SCN7A: variants seen among roughly 807,000 people sequenced by gnomAD.
SCN7A encodes sodium channel protein type 7 subunit alpha.
Under a neutral mutation model 155.2 loss-of-function variants are expected in SCN7A, and 138 were observed. The ratio of observed to expected loss-of-function variants is 0.89; its 90% confidence interval spans 0.77 to 1.02. The LOEUF is 1.02. Ranked by LOEUF, SCN7A falls within the 50% of genes least tolerant of loss-of-function variation. SCN7A has a pLI of 0.00. For missense variants in SCN7A, 2,058 were observed against 1,986.6 expected (o/e 1.04, Z -0.68); for synonymous variants, 693 against 649.0 (o/e 1.07, Z -1.03).
Position 166,413,006 on chromosome 2 carries a change from C to A in SCN7A, c.3468+62G>T. On this transcript the variant is annotated intron_variant, in intron 22 of 25. Transcript: ENST00000643258. ...TTCATTATTACTGGTGTCCTGTGCT[C>A]GAATTGCAAAAATGACTTTGCTTGT... 3.3e-6 allele frequency: 4 copies of A among 1,197,684 alleles called. No individual in the cohort carries two copies. The South Asian group carries it at 5.7e-5, about 17-fold the overall frequency. 74.2% of individuals were successfully genotyped at this position (1,197,684 alleles called of 1,614,324 possible). A position where few individuals can be genotyped will look rare whatever the true frequency, so the allele number is the denominator to read the frequency against.
rs1419456930 is a variant in SCN7A at position 166,416,987 on chromosome 2, T to A, written c.3136-2A>T. 1.3e-6 allele frequency: 2 copies of A among 1,561,474 alleles called. No individual in the cohort carries two copies. The highest frequency in any genetic ancestry group is 1.7e-6 in the Non-Finnish European group (2 of 1,155,022). On this transcript the variant is annotated splice_acceptor_variant, in intron 20 of 25. Coordinates refer to ENST00000643258, the MANE Select transcript of SCN7A (RefSeq NM_002976.4). LOFTEE classifies it high-confidence loss of function. Reference sequence around the variant, plus strand: ...TTTGATCAAAGCTCTCACAACCACCTGGTATATATAAAAAATGTAAACTTT... The same window carrying A: ...TTTGATCAAAGCTCTCACAACCACCAGGTATATATAAAAAATGTAAACTTT...
intron 21 of SCN7A, among the ~76,000 whole-genome samples, chr2:166,413,953 A>G (rs1701257309): frequency 9.1e-6 from 1 of 110,376 alleles, no homozygotes; most frequent in Non-Finnish European, 1.8e-5. Flanking sequence ...TACTTAATAA[A>G]CTCCCCTTTA....
At chr2:166,481,431 T>A (rs757082770) in intron 2 of SCN7A, among the ~76,000 whole-genome samples, 1 of 152,172 alleles carries the variant, frequency 6.6e-6, no homozygotes, top group Non-Finnish European at 1.5e-5. Context: ...AAAAATATAA[T>A]AGAAATACTT....
At chr2:166,438,373 TCTTTA>T (rs1050169320) in intron 15 of SCN7A, among the ~76,000 whole-genome samples, 3 of 152,182 alleles carry the variant, frequency 2.0e-5, no homozygotes, top group African/African-American at 7.2e-5. Flanking sequence ...CAATTAAACC[TCTTTA>T]CTTTATAAAT....
rs978246607 is a variant in SCN7A at position 166,429,046 on chromosome 2, A to G, written c.2698+123T>C. 8 of 574,882 alleles carry G rather than the reference A, an allele frequency of 1.4e-5. No individual in the cohort carries two copies. In the African/African-American group the frequency reaches 1.6e-4, roughly 11 times the overall value. 35.6% of individuals were successfully genotyped at this position (574,882 alleles called of 1,614,324 possible). A position where few individuals can be genotyped will look rare whatever the true frequency, so the allele number is the denominator to read the frequency against. On this transcript the variant is annotated intron_variant, in intron 17 of 25. Coordinates refer to ENST00000643258, the MANE Select transcript of SCN7A (RefSeq NM_002976.4). ...TAATGGTGACACTTGTACATTTAAC[A>G]TGAATATTAAGAAATGTATAAAGAT...
At chr2:166,426,745 TG>T (rs1288709202) in intron 18 of SCN7A, among the ~76,000 whole-genome samples, 1 of 152,088 alleles carries the variant, frequency 6.6e-6, no homozygotes, top group Non-Finnish European at 1.5e-5. Context: ...AGTGTTGTTC[TG>T]GCATCCTGGT....
chr2:166,446,280 C>T (rs2105443473), intron 12 of SCN7A, among the ~76,000 whole-genome samples: 1 of 152,268 alleles, frequency 6.6e-6, no homozygotes, highest in South Asian at 2.1e-4. Flanking sequence ...AGCTCATCAT[C>T]ACTAGTCATT....
chr2:166,441,125 T>C lies in SCN7A; in HGVS notation c.2157+271A>G, dbSNP rs572704313. On this transcript the variant is annotated intron_variant, in intron 15 of 25. Transcript: ENST00000643258. Reference sequence around the variant, plus strand: ...ATAAGGAGGACCTACTATATTATCATTAAAAAATGCATTCAATATAAAAAT... The same window carrying C: ...ATAAGGAGGACCTACTATATTATCACTAAAAAATGCATTCAATATAAAAAT... 5.2e-4 allele frequency: 228 copies of C among 436,090 alleles called. 2 individuals carry two copies. In the Middle Eastern group the frequency reaches 5.8e-3, roughly 11 times the overall value. 27.0% of individuals were successfully genotyped at this position (436,090 alleles called of 1,614,324 possible).
intron 21 of SCN7A, among the ~76,000 whole-genome samples, chr2:166,415,731 T>C (rs1297446061): frequency 1.3e-5 from 2 of 152,192 alleles, no homozygotes; most frequent in African/African-American, 4.8e-5. Flanking sequence ...AAGCTGAGGA[T>C]GTACGTCACC....
chr2:166,410,108 AG>A, intron 24 of SCN7A, 111 bp downstream of exon 24: 9 of 1,125,180 alleles, frequency 8.0e-6, no homozygotes, highest in Non-Finnish European at 1.1e-5. Flanking sequence ...GACCATGAAA[AG>A]CTTTGTCAAG....
intron 11 of SCN7A, among the ~76,000 whole-genome samples, chr2:166,453,342 A>G (rs897461620): frequency 6.6e-6 from 1 of 152,196 alleles, no homozygotes; most frequent in Non-Finnish European, 1.5e-5. Flanking sequence ...CACTTCTAAA[A>G]TGTGAGTTTA....
chr2:166,412,522 A>G lies in SCN7A; in HGVS notation c.3606+8T>C. On this transcript the variant is annotated splice_region_variant and intron_variant, in intron 23 of 25. Transcript: ENST00000643258. ...GACATTGGATAAACAAATAATATTT[A>G]TACTTATCTTTATTTTATGCTTGTT... 6.9e-7 allele frequency: 1 copy of G among 1,457,356 alleles called. No individual in the cohort carries two copies. The highest frequency in any genetic ancestry group is 9.0e-7 in the Non-Finnish European group (1 of 1,108,112). 90.3% of individuals were successfully genotyped at this position (1,457,356 alleles called of 1,614,324 possible).
chr2:166,430,187 G>A (rs1701704723), intron 16 of SCN7A, among the ~76,000 whole-genome samples: 1 of 151,896 alleles, frequency 6.6e-6, no homozygotes, highest in Non-Finnish European at 1.5e-5. Context: ...AAAAACCAGA[G>A]AAATTGTCAA....
chr2:166,405,764 C>G lies in SCN7A; in HGVS notation c.4865G>C (p.Arg1622Pro). 6.2e-7 allele frequency: 1 copy of G among 1,612,858 alleles called. No individual in the cohort carries two copies. Among genetic ancestry groups the G allele is most frequent in the Non-Finnish European group, 8.5e-7 (1 of 1,179,284 alleles). Residue 1622 changes from arginine to proline, a missense_variant, in exon 26 of 26, where the codon CGA (arginine) becomes CCA (proline). Arg to Pro is a moderately radical substitution (Grantham distance 103). Coordinates refer to ENST00000643258, the MANE Select transcript of SCN7A (RefSeq NM_002976.4). ...GGTTGCTGAAACTGCCTCTTGTTTT[C>G]GTTTCAAAGTAGTCGTAATTGGCTC... is the stretch of plus-strand genomic sequence containing the variant. Reference protein sequence around the residue: ...TCEPITTTLKRKQEAVSATII... With the variant: ...TCEPITTTLKPKQEAVSATII...
intron 12 of SCN7A, among the ~76,000 whole-genome samples, chr2:166,446,771 C>T (rs576276564): frequency 6.6e-6 from 1 of 152,206 alleles, no homozygotes; most frequent in South Asian, 2.1e-4. Flanking sequence ...AACATAGGAA[C>T]AGGAACCAAA....
At position 166,404,190 on chromosome 2, in the gene SCN7A, C is replaced by A. The variant is rs1279930491; in HGVS notation, c.*1390G>T. On this transcript the variant is annotated 3_prime_UTR_variant, in exon 26 of 26. Coordinates refer to ENST00000643258, the MANE Select transcript of SCN7A (RefSeq NM_002976.4). The stretch of plus-strand genomic sequence containing the variant: ...TCTGAATCTTTTAGGACTTAGCAGG[C>A]ACATTGAAATCAATCTTCATAAAGT... 6.6e-6 allele frequency: 1 copy of A among 151,806 alleles called. No homozygotes were observed. Among genetic ancestry groups the A allele is most frequent in the Non-Finnish European group, 1.5e-5 (1 of 67,896 alleles). The allele number at this position is 151,806 out of a possible 1,614,324, so 9.4% of individuals were successfully genotyped here. A position where few individuals can be genotyped will look rare whatever the true frequency, so the allele number is the denominator to read the frequency against.
At position 166,405,735 on chromosome 2, in the gene SCN7A, T is replaced by C. The variant is rs1701054602; in HGVS notation, c.4894A>G (p.Ile1632Val). The change falls in exon 26 of 26, where the codon ATT becomes GTT. Residue 1632 changes from isoleucine (I) to valine (V), a missense_variant. By Grantham distance (29) the Ile-to-Val change is conservative (BLOSUM62 3). Transcript: ENST00000643258. Reference sequence around the variant, plus strand: ...CGGTAATTTTTATAAGCACGTTGAATGATGGTTGCTGAAACTGCCTCTTGT... The same window carrying C: ...CGGTAATTTTTATAAGCACGTTGAACGATGGTTGCTGAAACTGCCTCTTGT... ...RKQEAVSATI[I>V]QRAYKNYRLR... 1 of 1,612,950 alleles carries C rather than the reference T, an allele frequency of 6.2e-7. No homozygotes were observed. The highest frequency in any genetic ancestry group is 8.5e-7 in the Non-Finnish European group (1 of 1,179,340).
At position 166,441,549 on chromosome 2, in the gene SCN7A, G is replaced by C. The variant is rs1489989062; in HGVS notation, c.2004C>G (p.Arg668=). The change falls in exon 15 of 26, where the codon CGC becomes CGG. Residue 668 remains arginine (R), a synonymous_variant. Transcript: ENST00000643258. ...CHIDKDCQLP[R]WHMHDFFHSF... is the part of the protein sequence containing the mutation. ...AGTGGAAAAAGTCATGCATGTGCCA[G>C]CGTGGGAGTTGACAGTCTTTGTCTA... is the stretch of plus-strand genomic sequence containing the variant. 1 of 1,614,084 alleles carries C rather than the reference G, an allele frequency of 6.2e-7. No homozygotes were observed.
chr2:166,413,164 ATAAAAAG>A lies in SCN7A; in HGVS notation c.3415-50_3415-44del, dbSNP rs1438264022. ...ATTTAAAATTTATGCTTCCTGGCAA[ATAAAAAG>A]TAAAATCTCAGTCTCTTATTAGTGC... On this transcript the variant is annotated intron_variant, in intron 21 of 25. Transcript: ENST00000643258. 6.6e-6 allele frequency: 8 copies of A among 1,218,364 alleles called. No individual in the cohort carries two copies. The South Asian group carries it at 8.5e-5, about 13-fold the overall frequency. The allele number at this position is 1,218,364 out of a possible 1,614,324, so 75.5% of individuals were successfully genotyped here. A position where few individuals can be genotyped will look rare whatever the true frequency, so the allele number is the denominator to read the frequency against.
Sources: gnomAD v4.1 joint callset for allele counts (sites outside exome capture counted in the v4.1 genomes callset) on GRCh38, gnomAD v4.1.1 for gene constraint, MANE v1.5 for transcripts, NCBI Gene and HGNC (gene_info 2026-07-23, HGNC 2026-07-21) for gene names.